The following NEIL3 variants were observed in gnomAD, a reference collection of about 807,000 sequenced individuals.
The protein encoded by NEIL3 is endonuclease 8-like 3.
In NEIL3, 48 loss-of-function variants were observed where a neutral mutation model predicts 57.5. That is an observed-to-expected ratio of 0.83 (90% CI 0.66 to 1.06). The LOEUF (loss-of-function observed/expected upper bound fraction) is 1.06. Ranked by LOEUF, NEIL3 falls within the 50% of genes least tolerant of loss-of-function variation. The pLI is 0.00. For synonymous variants in NEIL3, 261 were observed against 253.2 expected (o/e 1.03, Z -0.29); for missense variants, 717 against 739.1 (o/e 0.97, Z 0.35).
Position 177,330,807 on chromosome 4 carries a change from CT to C in NEIL3, c.279-4874del, listed in dbSNP as rs529539992. ...AAGCAATTATTGATAAGCTATGTAACTTTTTTTATACTAAGTCTTCAAAATC... is the reference window on the plus strand; with the variant it reads ...AAGCAATTATTGATAAGCTATGTAACTTTTTTATACTAAGTCTTCAAAATC... On this transcript the variant is annotated intron_variant, in intron 2 of 9. Coordinates refer to ENST00000264596, the MANE Select transcript of NEIL3 (RefSeq NM_018248.3). Among the ~76,000 whole-genome samples the C allele has an allele frequency of 3.3e-5, 5 of 152,156 alleles. No individual in the cohort carries two copies. The South Asian group carries it at 8.3e-4, about 25-fold the overall frequency.
chr4:177,351,349 A>G, intron 6 of NEIL3, 31 bp from the exon 7 acceptor site: 2 of 1,497,774 alleles, frequency 1.3e-6, no homozygotes, highest in East Asian at 2.3e-5. Context: ...GGCAATAATA[A>G]CAATGATTAA....
intron 6 of NEIL3, among the ~76,000 whole-genome samples, chr4:177,342,737 A>C (rs990134571): frequency 2.0e-5 from 3 of 152,236 alleles, no homozygotes; most frequent in African/African-American, 7.2e-5. Flanking sequence ...ACAGTATTTA[A>C]TTGGAAAAAA....
chr4:177,365,979 A>C (rs989212348), downstream of NEIL3, among the ~76,000 whole-genome samples: 9 of 152,170 alleles, frequency 5.9e-5, no homozygotes, highest in African/African-American at 2.2e-4. Flanking sequence ...GACAACCAAG[A>C]CCCACCCTAA....
In NEIL3 at chr4:177,336,318, T is replaced by C. The variant is rs1479817118; in HGVS notation, c.624T>C (p.Val208=). 1 of 1,611,046 alleles carries C rather than the reference T, an allele frequency of 6.2e-7. No homozygotes were observed. Among genetic ancestry groups the C allele is most frequent in the East Asian group, 2.2e-5 (1 of 44,870 alleles). The part of the protein sequence containing the change: ...ALFDSGLHPA[V]KVCQLTDEQI... ...TTGACAGTGGTCTCCACCCAGCTGT[T>C]AAAGTAAGTTTTAAGTATTTTTTTA... Residue 208 remains valine, a synonymous_variant, in exon 4 of 10, where the codon GTT becomes GTC. Transcript: ENST00000264596.
intron 1 of NEIL3, among the ~76,000 whole-genome samples, chr4:177,317,893 A>G (rs1020606707): frequency 7.2e-5 from 11 of 152,232 alleles, no homozygotes; most frequent in Non-Finnish European, 5.9e-5. Flanking sequence ...CCTGGCCACC[A>G]TGGTTAGAAC....
chr4:177,325,255 A>G (rs1734760240), intron 2 of NEIL3, among the ~76,000 whole-genome samples: 2 of 152,134 alleles, frequency 1.3e-5, no homozygotes, highest in South Asian at 4.1e-4. Flanking sequence ...TATTACTTAT[A>G]AAAGAGTTTT....
In NEIL3 at chr4:177,314,155, C is replaced by T. The variant is rs35467587; in HGVS notation, c.156+4046C>T. On this transcript the variant is annotated intron_variant, in intron 1 of 9. Transcript: ENST00000264596. ...CATGCATTATATACTTCCTTACCTTCTTAAATGGATACTAATAATGATTTA... is the reference window on the plus strand; with the variant it reads ...CATGCATTATATACTTCCTTACCTTTTTAAATGGATACTAATAATGATTTA... Among the ~76,000 whole-genome samples, 1,241 of 152,278 alleles carry T rather than the reference C, an allele frequency of 8.1e-3. 6 individuals are homozygous for T. The highest frequency in any genetic ancestry group is 0.013 in the Non-Finnish European group (897 of 68,010).
chr4:177,329,844 A>G (rs1405160353), intron 2 of NEIL3, among the ~76,000 whole-genome samples: 1 of 152,216 alleles, frequency 6.6e-6, no homozygotes, highest in Non-Finnish European at 1.5e-5. Context: ...AAGTATTGAT[A>G]TCATGGAAGA....
intron 1 of NEIL3, among the ~76,000 whole-genome samples, chr4:177,310,552 A>T (rs1228826072): frequency 6.6e-6 from 1 of 152,222 alleles, no homozygotes; most frequent in African/African-American, 2.4e-5. Context: ...TAAGTATATC[A>T]CAACTAGTAT....
intron 6 of NEIL3, among the ~76,000 whole-genome samples, chr4:177,342,521 A>G (rs1735116759): frequency 6.6e-6 from 1 of 152,194 alleles, no homozygotes; most frequent in African/African-American, 2.4e-5. Flanking sequence ...TATGACATGA[A>G]GCACAAAAAA....
At chr4:177,340,507 A>G (rs11930754) in intron 5 of NEIL3, among the ~76,000 whole-genome samples, 33,470 of 152,094 alleles carry the variant, frequency 0.22, 3,847 homozygotes, top group Middle Eastern at 0.31. Flanking sequence ...CATTTTTACT[A>G]TGTTCAGAAA....
intron 1 of NEIL3, among the ~76,000 whole-genome samples, chr4:177,319,709 A>G (rs890842366): frequency 6.6e-6 from 1 of 152,184 alleles, no homozygotes; most frequent in Non-Finnish European, 1.5e-5. Context: ...ATTAAAGCAC[A>G]GGAGTGGCAG....
intron 6 of NEIL3, among the ~76,000 whole-genome samples, chr4:177,342,254 G>T (rs1735110371): frequency 6.6e-6 from 1 of 152,184 alleles, no homozygotes; most frequent in Non-Finnish European, 1.5e-5. Flanking sequence ...TCAGTTCAGA[G>T]CCAGTGTCCA....
intron 2 of NEIL3, among the ~76,000 whole-genome samples, chr4:177,332,121 G>A (rs991958628): frequency 2.6e-5 from 4 of 152,208 alleles, no homozygotes; most frequent in African/African-American, 9.6e-5. Flanking sequence ...CTTTGTGTAT[G>A]TAGAACCCAA....
At chr4:177,362,969 C>A (rs35134319), downstream of NEIL3, 3 of 152,166 alleles carry the variant, frequency 2.0e-5, no homozygotes, top group East Asian at 1.9e-4. Context: ...TCTGTTCAAC[C>A]AACATTAAGT....
rs375583905 is a variant in NEIL3, at chr4:177,353,711, C to T, written c.1443C>T (p.Asn481=). The T allele has an allele frequency of 2.5e-6, 4 of 1,611,586 alleles. No individual in the cohort carries two copies. Among genetic ancestry groups the T allele is most frequent in the Non-Finnish European group, 2.5e-6 (3 of 1,179,286 alleles). Residue 481 remains asparagine (N), a synonymous_variant, in exon 8 of 10, where the codon AAC becomes AAT. Transcript: ENST00000264596. ...QYSSPELKSC[N]PGYSNSELQI... ...CATCACCAGAGCTTAAAAGCTGCAA[C>T]CCTGGATATTCTAACAGGTATGATG...
At chr4:177,318,589 C>T (rs1003195064) in intron 1 of NEIL3, among the ~76,000 whole-genome samples, 4 of 152,134 alleles carry the variant, frequency 2.6e-5, no homozygotes, top group Non-Finnish European at 4.4e-5. Context: ...TTCTCTGGGC[C>T]ATGGCATACA....
rs1268495100 is a variant in NEIL3 at position 177,361,686 on chromosome 4, A to G, written c.1636-603A>G. 5.3e-5 allele frequency among the ~76,000 whole-genome samples: 8 copies of G among 152,344 alleles called. No individual in the cohort carries two copies. In the East Asian group the frequency reaches 1.5e-3, roughly 29 times the overall value. On this transcript the variant is annotated intron_variant, in intron 9 of 9. Coordinates refer to ENST00000264596, the MANE Select transcript of NEIL3 (RefSeq NM_018248.3). ...TCAAAATTAGTAAGAATAATATAAT[A>G]GAATCTGTCTAATTCAGTCTGCGTA...
chr4:177,311,062 A>G (rs1215819979), intron 1 of NEIL3, among the ~76,000 whole-genome samples: 2 of 152,050 alleles, frequency 1.3e-5, no homozygotes, highest in African/African-American at 4.8e-5. Flanking sequence ...AGTACTCTGT[A>G]CCTATTTTTT....
Sources: allele counts gnomAD v4.1 joint callset (sites outside exome capture counted in the v4.1 genomes callset), GRCh38; gene constraint gnomAD v4.1.1; transcripts MANE v1.5; gene names NCBI Gene and HGNC (gene_info 2026-07-23, HGNC 2026-07-21).